Variants in ABLIM2 observed in about 807,000 individuals in gnomAD.
The protein encoded by ABLIM2 is actin binding LIM protein family member 2.
Under a neutral mutation model 97.7 loss-of-function variants are expected in ABLIM2, and 53 were observed. That is an observed-to-expected ratio of 0.54 (90% CI 0.44 to 0.68). The LOEUF (loss-of-function observed/expected upper bound fraction) is 0.68, where lower values mean the gene tolerates loss of function less well. ABLIM2 is among the 30% of genes least tolerant of loss of function. ABLIM2 has a pLI of 0.00. For missense variants in ABLIM2, 835 were observed against 867.2 expected (o/e 0.96, Z 0.47); for synonymous variants, 361 against 345.8 (o/e 1.04, Z -0.49).
At chr4:7,984,816 C>T in intron 18 of ABLIM2, 23 bp downstream of exon 18, 1 of 1,578,094 alleles carries the variant, frequency 6.3e-7, no homozygotes, top group Non-Finnish European at 8.6e-7. Context: ...GCCAGAGACC[C>T]ACAGGGTCCC....
intron 14 of ABLIM2, chr4:8,010,341 C>A (rs924436475): frequency 9.1e-5 from 90 of 983,698 alleles, no homozygotes; most frequent in Non-Finnish European, 1.1e-4. Flanking sequence ...ACCCCATGCA[C>A]TGAACAATTA....
intron 2 of ABLIM2, among the ~76,000 whole-genome samples, chr4:8,099,581 C>T (rs1305096527): frequency 6.6e-6 from 1 of 152,178 alleles, no homozygotes; most frequent in Non-Finnish European, 1.5e-5. Context: ...CACGGTGGCT[C>T]ACACCCGTAA....
rs1177673052 is a variant in ABLIM2 at position 8,122,383 on chromosome 4, TA to T, written c.11-15747del. ...CAGAACAATACCAGATGTGGTGGCT[TA>T]AAAGACTGACACTTATCTCCCACAG... On this transcript the variant is annotated intron_variant, in intron 1 of 20. Transcript: ENST00000447017. This position sits in a 1 kb window ranked among gnomAD's most constrained non-coding sequence, Gnocchi z 4.1. Among the ~76,000 whole-genome samples the T allele has an allele frequency of 1.3e-5, 2 of 152,170 alleles. No individual in the cohort carries two copies. The highest frequency in any genetic ancestry group is 2.9e-5 in the Non-Finnish European group (2 of 68,026).
At chr4:8,091,622 TATAAAATTA>T (rs1828389246) in intron 3 of ABLIM2, among the ~76,000 whole-genome samples, 2 of 63,986 alleles carry the variant, frequency 3.1e-5, no homozygotes, top group African/African-American at 6.6e-5. Context: ...TATAATTTTA[TATAAAATTA>T]TATATATAAT....
In ABLIM2 at chr4:8,032,899, G is replaced by A. The variant is rs755233840; in HGVS notation, c.1048-3123C>T. 6.6e-5 allele frequency among the ~76,000 whole-genome samples: 10 copies of A among 152,116 alleles called. No individual in the cohort carries two copies. Among genetic ancestry groups the A allele is most frequent in the African/African-American group, 1.9e-4 (8 of 41,418 alleles). On this transcript the variant is annotated intron_variant, in intron 10 of 20. Coordinates refer to ENST00000447017, the MANE Select transcript of ABLIM2 (RefSeq NM_001130083.2). This position sits in a 1 kb window ranked among gnomAD's most constrained non-coding sequence, Gnocchi z 4.3. ...ATTCTTCCCAGAGAAAGAGGCCCCC[G>A]GGGAAACTGATTTCGTGCCAATGAG...
rs1049009042 is a variant in ABLIM2 at position 8,019,254 on chromosome 4, T to C, written c.1423+364A>G. Among the ~76,000 whole-genome samples the C allele has an allele frequency of 6.6e-6, 1 of 152,200 alleles. No individual in the cohort carries two copies. Among genetic ancestry groups the C allele is most frequent in the Non-Finnish European group, 1.5e-5 (1 of 68,044 alleles). On this transcript the variant is annotated intron_variant, in intron 14 of 20. Transcript: ENST00000447017. The surrounding 1 kb of genome is among the most constrained non-coding windows in gnomAD (Gnocchi z 4.3). Reference sequence around the variant, plus strand: ...TTCCAAAGATCGGGCCTGGATCAGATTGTGGTTCTAGGAGCCTCTGTCCCT... The same window carrying C: ...TTCCAAAGATCGGGCCTGGATCAGACTGTGGTTCTAGGAGCCTCTGTCCCT...
chr4:8,080,635 G>A, intron 5 of ABLIM2, 41 bp downstream of exon 5: 2 of 1,546,286 alleles, frequency 1.3e-6, no homozygotes, highest in South Asian at 2.4e-5. Context: ...GAGTAGGGAA[G>A]CCTGAGCGGA....
intron 6 of ABLIM2, among the ~76,000 whole-genome samples, chr4:8,066,314 A>AG (rs1355640419): frequency 6.9e-6 from 1 of 144,312 alleles, no homozygotes; most frequent in East Asian, 2.1e-4. Flanking sequence ...TCAAAAAAAA[A>AG]AAAAAAAGAA....
chr4:7,967,654 T>A (rs571173847), intron 20 of ABLIM2, among the ~76,000 whole-genome samples: 32 of 152,330 alleles, frequency 2.1e-4, no homozygotes, highest in African/African-American at 7.5e-4. Context: ...AGAGAGCTGT[T>A]GTGCCTCTCT....
chr4:8,040,255 C>T (rs1471840725), intron 9 of ABLIM2, among the ~76,000 whole-genome samples: 1 of 152,242 alleles, frequency 6.6e-6, no homozygotes, highest in Non-Finnish European at 1.5e-5. Flanking sequence ...TGGGGGTGCT[C>T]AGCACAGAGC....
In ABLIM2 at chr4:7,988,340, G is replaced by A. The variant is rs115419389; in HGVS notation, c.1681-3447C>T. Among the ~76,000 whole-genome samples, 899 of 152,230 alleles carry A rather than the reference G, an allele frequency of 5.9e-3. 4 individuals are homozygous for A. The highest frequency in any genetic ancestry group is 0.02 in the African/African-American group (846 of 41,540). ...GCCCGGCCTGTTTAGCACTTCTTAC[G>A]TGCCTGTGGCTCTATAGGTACATTC... On this transcript the variant is annotated intron_variant, in intron 17 of 20. Coordinates refer to ENST00000447017, the MANE Select transcript of ABLIM2 (RefSeq NM_001130083.2).
chr4:8,071,214 C>A lies in ABLIM2; in HGVS notation c.675+6414G>T, dbSNP rs528785045. 6.6e-6 allele frequency among the ~76,000 whole-genome samples: 1 copy of A among 152,172 alleles called. No homozygotes were observed. Among genetic ancestry groups the A allele is most frequent in the South Asian group, 2.1e-4 (1 of 4,834 alleles). On this transcript the variant is annotated intron_variant, in intron 6 of 20. Coordinates refer to ENST00000447017, the MANE Select transcript of ABLIM2 (RefSeq NM_001130083.2). This position sits in a 1 kb window ranked among gnomAD's most constrained non-coding sequence, Gnocchi z 6.2. ...TGGCTCTGCCACAGTTGCTGCCAGGCGCCACCCACCTCTGCTGCCCCAGCC... is the reference window on the plus strand; with the variant it reads ...TGGCTCTGCCACAGTTGCTGCCAGGAGCCACCCACCTCTGCTGCCCCAGCC...
At chr4:8,007,411 C>T in intron 16 of ABLIM2, 1 of 985,512 alleles carries the variant, frequency 1.0e-6, no homozygotes, top group Non-Finnish European at 1.2e-6. Context: ...GAAAACTGCC[C>T]CCAGCCCAGC....
chr4:8,147,371 G>A lies in ABLIM2; in HGVS notation c.10+11309C>T, dbSNP rs1034892103. Among the ~76,000 whole-genome samples, 2 of 152,160 alleles carry A rather than the reference G, an allele frequency of 1.3e-5. No individual in the cohort carries two copies. Among genetic ancestry groups the A allele is most frequent in the South Asian group, 2.1e-4 (1 of 4,828 alleles). On this transcript the variant is annotated intron_variant, in intron 1 of 20. Transcript: ENST00000447017. This position sits in a 1 kb window ranked among gnomAD's most constrained non-coding sequence, Gnocchi z 5.3. ...ATGCACCAAGAGACTACCTGTGCCC[G>A]GCTGAGTAATGCCTCCCCCAGAAGA...
At position 8,022,535 on chromosome 4, in the gene ABLIM2, C is replaced by G. The variant is rs768583898; in HGVS notation, c.1268-2232G>C. The G allele has an allele frequency of 6.6e-6, 1 of 152,548 alleles. No individual in the cohort carries two copies. The highest frequency in any genetic ancestry group is 1.5e-5 in the Non-Finnish European group (1 of 68,256). The allele number at this position is 152,548 out of a possible 1,614,324, so 9.4% of individuals were successfully genotyped here. ...CCCCCAGGGCCCTCTAACACCAGCCCGAGTCCTGCCACCTCGGTCCCTCCC... is the reference window on the plus strand; with the variant it reads ...CCCCCAGGGCCCTCTAACACCAGCCGGAGTCCTGCCACCTCGGTCCCTCCC... On this transcript the variant is annotated intron_variant, in intron 12 of 20. Coordinates refer to ENST00000447017, the MANE Select transcript of ABLIM2 (RefSeq NM_001130083.2). This position sits in a 1 kb window ranked among gnomAD's most constrained non-coding sequence, Gnocchi z 7.8.
intron 3 of ABLIM2, among the ~76,000 whole-genome samples, chr4:8,091,712 A>G (rs1403354717): frequency 2.6e-5 from 2 of 78,042 alleles, no homozygotes; most frequent in Non-Finnish European, 4.4e-5. Context: ...TACATAATAT[A>G]ATTATATAAT....
chr4:8,150,365 T>G lies in ABLIM2; in HGVS notation c.10+8315A>C, dbSNP rs1288130536. Among the ~76,000 whole-genome samples the G allele has an allele frequency of 6.6e-6, 1 of 152,108 alleles. No individual in the cohort carries two copies. The highest frequency in any genetic ancestry group is 1.5e-5 in the Non-Finnish European group (1 of 68,004). On this transcript the variant is annotated intron_variant, in intron 1 of 20. Coordinates refer to ENST00000447017, the MANE Select transcript of ABLIM2 (RefSeq NM_001130083.2). The surrounding 1 kb of genome is among the most constrained non-coding windows in gnomAD (Gnocchi z 6.3). ...CATCACACATCCTCCACTCCTTGGG[T>G]GTTCACGAAATGCCTCCTCTCATTC...
intron 17 of ABLIM2, chr4:7,989,556 T>C (rs1462302318): frequency 2.5e-6 from 1 of 392,792 alleles, no homozygotes; most frequent in Non-Finnish European, 3.5e-6. Flanking sequence ...TTAATTTTAT[T>C]AATTCCTTTT....
intron 4 of ABLIM2, among the ~76,000 whole-genome samples, chr4:8,084,154 G>A (rs1469374630): frequency 6.6e-6 from 1 of 152,218 alleles, no homozygotes; most frequent in African/African-American, 2.4e-5. Flanking sequence ...TTGGCTTGCA[G>A]CTTCATTTAG....
Sources: allele counts gnomAD v4.1 joint callset (sites outside exome capture counted in the v4.1 genomes callset), GRCh38; gene constraint gnomAD v4.1.1; non-coding constraint Gnocchi (gnomAD v3.1); transcripts MANE v1.5; gene names NCBI Gene and HGNC (gene_info 2026-07-23, HGNC 2026-07-21).